THSD7B: variants seen among roughly 807,000 people sequenced by gnomAD.
THSD7B encodes the protein thrombospondin type-1 domain-containing protein 7B.
Under a neutral mutation model 213.6 loss-of-function variants are expected in THSD7B, and 138 were observed. The ratio of observed to expected loss-of-function variants is 0.65; its 90% CI spans 0.56 to 0.74. The LOEUF (loss-of-function observed/expected upper bound fraction) is 0.74, where lower values mean the gene tolerates loss of function less well. THSD7B is among the 30% of genes least tolerant of loss of function. THSD7B has a pLI of 0.00. For synonymous variants in THSD7B, 742 were observed against 687.0 expected (o/e 1.08, Z -1.25); for missense variants, 1,931 against 1,991.5 (o/e 0.97, Z 0.58).
At chr2:136,974,310 G>A (rs1014190511) in intron 2 of THSD7B, among the ~76,000 whole-genome samples, 1 of 152,040 alleles carries the variant, frequency 6.6e-6, no homozygotes, top group African/African-American at 2.4e-5. Flanking sequence ...ATTAAGCCCA[G>A]CATGCATTAG....
At chr2:137,635,221 C>T (rs1397874847) in intron 20 of THSD7B, among the ~76,000 whole-genome samples, 1 of 152,128 alleles carries the variant, frequency 6.6e-6, no homozygotes, top group African/African-American at 2.4e-5. Context: ...CTGATGAGTG[C>T]ACGAATAGAG....
chr2:137,558,508 CA>C (rs1681035051), intron 15 of THSD7B, among the ~76,000 whole-genome samples: 1 of 152,202 alleles, frequency 6.6e-6, no homozygotes, highest in Admixed American at 6.5e-5. Flanking sequence ...CAACATAATT[CA>C]ACAGCCCTTC....
chr2:137,389,510 AT>A (rs1190677952), intron 12 of THSD7B, among the ~76,000 whole-genome samples: 1 of 134,856 alleles, frequency 7.4e-6, no homozygotes, highest in Non-Finnish European at 1.5e-5. Context: ...ATTTGCTTCC[AT>A]TTAACAGGCT....
At chr2:137,057,843 T>C (rs1263978113) in intron 3 of THSD7B, among the ~76,000 whole-genome samples, 5 of 152,230 alleles carry the variant, frequency 3.3e-5, no homozygotes, top group African/African-American at 4.8e-5. Context: ...AGAAATAAAC[T>C]ATTAAAGCAA....
chr2:137,008,860 T>G lies in THSD7B; in HGVS notation c.140-47560T>G, dbSNP rs114740348. On this transcript the variant is annotated intron_variant, in intron 2 of 27. Transcript: ENST00000409968. ...AGTGTTTTCTTTTTATTTTTTCATT[T>G]TTGAATGAAGTCCCCACATACAAAC... Among the ~76,000 whole-genome samples the G allele has an allele frequency of 3.8e-3, 572 of 152,338 alleles. 2 individuals are homozygous for G. The highest frequency in any genetic ancestry group is 0.013 in the African/African-American group (546 of 41,584).
At chr2:137,642,736 G>C in intron 21 of THSD7B, 103 bp downstream of exon 21, 2 of 1,350,660 alleles carry the variant, frequency 1.5e-6, no homozygotes, top group Non-Finnish European at 2.0e-6. Flanking sequence ...AGCACCAGGG[G>C]TCTGGCACAA....
chr2:136,818,853 ACT>A, intron 1 of THSD7B, among the ~76,000 whole-genome samples: 1 of 152,036 alleles, frequency 6.6e-6, no homozygotes, highest in East Asian at 1.9e-4. Flanking sequence ...GTGGCTTATA[ACT>A]CTAATAAAAT....
chr2:137,196,533 G>T (rs1262884794), intron 7 of THSD7B, among the ~76,000 whole-genome samples: 2 of 151,808 alleles, frequency 1.3e-5, no homozygotes, highest in African/African-American at 2.4e-5. Flanking sequence ...AAATACTTAC[G>T]GGTGAATGAG....
intron 5 of THSD7B, among the ~76,000 whole-genome samples, chr2:137,136,798 T>G (rs1450239940): frequency 6.6e-6 from 1 of 152,208 alleles, no homozygotes; most frequent in East Asian, 1.9e-4. Context: ...AATGCAAAAC[T>G]TTCATCTTAA....
intron 3 of THSD7B, among the ~76,000 whole-genome samples, chr2:137,071,991 T>C (rs1224763895): frequency 6.6e-6 from 1 of 152,236 alleles, no homozygotes; most frequent in African/African-American, 2.4e-5. Flanking sequence ...ACCAGTATCA[T>C]GCTGTTTTGG....
intron 17 of THSD7B, among the ~76,000 whole-genome samples, chr2:137,578,912 G>A (rs528870307): frequency 2.0e-5 from 3 of 152,276 alleles, no homozygotes; most frequent in African/African-American, 7.2e-5. Context: ...TAAGTGATCT[G>A]TACAACAACA....
chr2:137,228,600 C>T (rs1022422888), intron 7 of THSD7B, among the ~76,000 whole-genome samples: 4 of 152,148 alleles, frequency 2.6e-5, no homozygotes, highest in Admixed American at 1.3e-4. Context: ...CCAGATACCT[C>T]GTATTTTCCT....
Position 136,860,563 on chromosome 2 carries a change from A to G in THSD7B, c.-35-21581A>G, listed in dbSNP as rs144185531. ...TTATTCTTTCAATTGCTTGTGTCTA[A>G]CATGTTGGAGTCATCCTTGATTCTT... On this transcript the variant is annotated intron_variant, in intron 1 of 27. Transcript: ENST00000409968. Among the ~76,000 whole-genome samples, 56 of 152,280 alleles carry G rather than the reference A, an allele frequency of 3.7e-4. No individual in the cohort carries two copies. The East Asian group carries it at 0.01, about 27-fold the overall frequency.
chr2:136,999,401 A>C (rs891376774), intron 2 of THSD7B, among the ~76,000 whole-genome samples: 1 of 152,072 alleles, frequency 6.6e-6, no homozygotes, highest in African/African-American at 2.4e-5. Context: ...ACTGAAAAAG[A>C]AGGAAAGCTA....
chr2:137,311,655 C>T (rs1190448577), intron 12 of THSD7B, among the ~76,000 whole-genome samples: 1 of 151,942 alleles, frequency 6.6e-6, no homozygotes, highest in Non-Finnish European at 1.5e-5. Flanking sequence ...TCATAGATAG[C>T]TCTTATTATT....
intron 12 of THSD7B, among the ~76,000 whole-genome samples, chr2:137,329,150 G>A (rs1473533577): frequency 6.6e-6 from 1 of 152,178 alleles, no homozygotes; most frequent in African/African-American, 2.4e-5. Flanking sequence ...AAATTTCCTA[G>A]AGACTTGTTG....
chr2:136,961,164 T>C (rs1685211422), intron 2 of THSD7B, among the ~76,000 whole-genome samples: 1 of 149,624 alleles, frequency 6.7e-6, no homozygotes, highest in Admixed American at 6.7e-5. Flanking sequence ...AAGATGAAGA[T>C]TTCTGTTTCT....
intron 20 of THSD7B, among the ~76,000 whole-genome samples, chr2:137,639,159 A>G (rs1353383277): frequency 6.6e-6 from 1 of 152,196 alleles, no homozygotes; most frequent in Admixed American, 6.5e-5. Flanking sequence ...CACAGCCTGG[A>G]GTCCCAGCAG....
At chr2:137,044,336 G>A (rs1333236565) in intron 2 of THSD7B, among the ~76,000 whole-genome samples, 1 of 152,116 alleles carries the variant, frequency 6.6e-6, no homozygotes, top group East Asian at 1.9e-4. Flanking sequence ...CTCTTTGTAA[G>A]GCTGCTTTGA....
Sources: gnomAD v4.1 joint callset for allele counts (sites outside exome capture counted in the v4.1 genomes callset) on GRCh38, gnomAD v4.1.1 for gene constraint, MANE v1.5 for transcripts, NCBI Gene and HGNC (gene_info 2026-07-23, HGNC 2026-07-21) for gene names.